Variants in AKAP17A observed in about 807,000 individuals in gnomAD.
AKAP17A encodes A-kinase anchor protein 17A.
AKAP17A carries 15 observed loss-of-function variants against 52.2 expected under a neutral mutation model. That is an observed-to-expected ratio of 0.29 (90% CI 0.19 to 0.44). AKAP17A has a LOEUF of 0.44. Among genes scored for constraint, AKAP17A ranks in the 20% least tolerant of loss-of-function variants. AKAP17A has a pLI of 1.00. For missense variants in AKAP17A, 1,060 were observed against 1,007.0 expected, an observed-to-expected ratio of 1.05 and a Z score of -0.71; for synonymous variants, 514 against 424.7, an observed-to-expected ratio of 1.21 and a Z score of -2.58.
chrX:1,597,577 C>G (rs1933074004), intron 3 of AKAP17A, among the ~76,000 whole-genome samples: 3 of 151,718 alleles, frequency 2.0e-5, no homozygotes, highest in Admixed American at 2.0e-4. Flanking sequence ...TTCCAGGCTG[C>G]AGACACAGCC....
chrX:1,596,931 CCTA>C (rs1326867683), intron 3 of AKAP17A, among the ~76,000 whole-genome samples: 243 of 147,722 alleles, frequency 1.6e-3, no homozygotes, highest in South Asian at 4.0e-3. Flanking sequence ...TCCTCCTCCT[CCTA>C]CTCCTCTTCG....
chrX:1,592,983 C>T (rs748254367), intron 1 of AKAP17A, among the ~76,000 whole-genome samples: 1 of 152,296 alleles, frequency 6.6e-6, no homozygotes, highest in South Asian at 2.1e-4. Flanking sequence ...CCGCCGCCCC[C>T]TCCACAAAAC....
At chrX:1,591,855 G>C (rs1185648609) in intron 1 of AKAP17A, 86 bp downstream of exon 1, 1 of 150,604 alleles carries the variant, frequency 6.6e-6, no homozygotes, top group Admixed American at 6.6e-5. Context: ...GCCGGGGCTT[G>C]GGAGGCGGCG....
intron 4 of AKAP17A, chrX:1,599,990 G>T: frequency 2.1e-6 from 1 of 477,142 alleles, no homozygotes; most frequent in Non-Finnish European, 3.9e-6. Flanking sequence ...AGGCGCGACT[G>T]GTAACTCCCA....
chrX:1,600,895 G>A lies in AKAP17A; in HGVS notation c.1389G>A (p.Leu463=), dbSNP rs138996162. The change falls in exon 5 of 5, where the codon CTG becomes CTA. Residue 463 remains leucine, a synonymous_variant. Transcript: ENST00000313871. ...HDELGVAHAD[L]LQPVLDILQT... is the part of the protein sequence containing the mutation. ...AGCTGGGCGTGGCACACGCCGACCTGCTGCAGCCCGTCCTGGACATCCTGC... is the reference window on the plus strand; with the variant it reads ...AGCTGGGCGTGGCACACGCCGACCTACTGCAGCCCGTCCTGGACATCCTGC... The A allele has an allele frequency of 1.1e-3, 1,669 of 1,576,584 alleles. 1 individual carries two copies. Among genetic ancestry groups the A allele is most frequent in the Non-Finnish European group, 1.3e-3 (1,530 of 1,165,376 alleles).
chrX:1,597,458 G>A lies in AKAP17A; in HGVS notation c.912-1734G>A, dbSNP rs377103766. On this transcript the variant is annotated intron_variant, in intron 3 of 4. Transcript: ENST00000313871. ...TCGCCATCCTGGGAGGCGGTCCCTGGGAGGGGCGGTTCGGATGTGGGGTTG... is the reference window on the plus strand; with the variant it reads ...TCGCCATCCTGGGAGGCGGTCCCTGAGAGGGGCGGTTCGGATGTGGGGTTG... Among the ~76,000 whole-genome samples, 905 of 152,272 alleles carry A rather than the reference G, an allele frequency of 5.9e-3. 3 individuals carry two copies. The highest frequency in any genetic ancestry group is 0.021 in the African/African-American group (874 of 41,564).
chrX:1,601,995 A>G lies in AKAP17A; in HGVS notation c.*401A>G, dbSNP rs1218826852. ...GCCTAGGAGGTGCACGGGCCACCAT[A>G]GTCACACTGGCACTGAAAAGAAAGC... On this transcript the variant is annotated 3_prime_UTR_variant, in exon 5 of 5. Coordinates refer to ENST00000313871, the MANE Select transcript of AKAP17A (RefSeq NM_005088.3). 1 of 196,996 alleles carries G rather than the reference A, an allele frequency of 5.1e-6. No individual in the cohort carries two copies. Among genetic ancestry groups the G allele is most frequent in the Non-Finnish European group, 1.0e-5 (1 of 97,772 alleles). 12.2% of individuals were successfully genotyped at this position (196,996 alleles called of 1,614,324 possible).
At position 1,601,457 on chromosome X, in the gene AKAP17A, A is replaced by G. The variant is rs1207409793; in HGVS notation, c.1951A>G (p.Ser651Gly). Residue 651 changes from serine (S) to glycine (G), a missense_variant, in exon 5 of 5, where the codon AGC (serine) becomes GGC (glycine). This residue lies in a region of AKAP17A where 793 missense variants were observed against 629.9 expected (regional missense o/e 1.26). Coordinates refer to ENST00000313871, the MANE Select transcript of AKAP17A (RefSeq NM_005088.3). ...PDHTRSRRSH[S>G]KDRHRRERSR... is the part of the protein sequence containing the mutation. The stretch of plus-strand genomic sequence containing the variant: ...CCACACCCGGTCCCGGAGGTCCCAC[A>G]GCAAAGACAGGCACCGGAGGGAGCG... 1.3e-6 allele frequency: 2 copies of G among 1,573,932 alleles called. No homozygotes were observed. Among genetic ancestry groups the G allele is most frequent in the Non-Finnish European group, 1.7e-6 (2 of 1,167,940 alleles).
rs1270752606 is a variant in AKAP17A at position 1,602,399 on chromosome X, G to C, written c.*805G>C. ...CTGCAAACTTGTTTTATAATCGTTT[G>C]CTTCTCCAAGTGAAGCTCAGAAATA... On this transcript the variant is annotated 3_prime_UTR_variant, in exon 5 of 5. Transcript: ENST00000313871. The C allele has an allele frequency of 6.6e-6, 1 of 152,106 alleles. No individual in the cohort carries two copies. Among genetic ancestry groups the C allele is most frequent in the African/African-American group, 2.4e-5 (1 of 41,426 alleles). 9.4% of individuals were successfully genotyped at this position (152,106 alleles called of 1,614,324 possible).
Position 1,599,275 on chromosome X carries a change from G to C in AKAP17A, c.995G>C (p.Arg332Pro), listed in dbSNP as rs201089425. The C allele has an allele frequency of 1.2e-6, 2 of 1,612,224 alleles. No homozygotes were observed. The highest frequency in any genetic ancestry group is 1.1e-5 in the South Asian group (1 of 90,922). ...AAGAGGGAGCAGAAGCAGAGGGACC[G>C]TGAGCTGCGCCGGAATCAGAAGAAG... The part of the protein sequence containing the change: ...LRKREQKQRD[R>P]ELRRNQKKLE... Residue 332 changes from arginine to proline, a missense_variant, in exon 4 of 5, where the codon CGT (arginine) becomes CCT (proline). Physicochemically the swap from Arg to Pro is moderately radical, Grantham distance 103. This residue lies in a region of AKAP17A where 793 missense variants were observed against 629.9 expected (regional missense o/e 1.26). Transcript: ENST00000313871.
chrX:1,600,610 C>A (rs778647553), intron 4 of AKAP17A, 49 bp from the exon 5 acceptor site: 14 of 1,466,524 alleles, frequency 9.5e-6, no homozygotes, highest in Middle Eastern at 2.5e-4. Flanking sequence ...CCCACGTGTC[C>A]GGCCAGGCTC....
At chrX:1,599,548 C>T (rs780017450) in intron 4 of AKAP17A, 116 bp downstream of exon 4, 39 of 1,416,970 alleles carry the variant, frequency 2.8e-5, no homozygotes, top group South Asian at 2.0e-4. Context: ...GCTGTAGCTA[C>T]GAAACCAGCT....
intron 3 of AKAP17A, among the ~76,000 whole-genome samples, chrX:1,598,324 G>A (rs1236694980): frequency 6.6e-6 from 1 of 152,200 alleles, no homozygotes; most frequent in Non-Finnish European, 1.5e-5. Context: ...GGGTGGCAGA[G>A]CGTGGGATGC....
At chrX:1,598,178 G>T (rs1455901785) in intron 3 of AKAP17A, among the ~76,000 whole-genome samples, 1 of 151,996 alleles carries the variant, frequency 6.6e-6, no homozygotes, top group Non-Finnish European at 1.5e-5. Context: ...GCCGCCCTCC[G>T]AGCTCGTGGG....
chrX:1,600,728 C>T lies in AKAP17A; in HGVS notation c.1222C>T (p.Arg408Trp), dbSNP rs753308167. 18 of 1,547,056 alleles carry T rather than the reference C, an allele frequency of 1.2e-5. No individual in the cohort carries two copies. Among genetic ancestry groups the T allele is most frequent in the South Asian group, 5.9e-5 (5 of 84,164 alleles). The change falls in exon 5 of 5, where the codon CGG (arginine) becomes TGG (tryptophan). Residue 408 changes from arginine to tryptophan, a missense_variant. Physicochemically the swap from Arg to Trp is moderately radical, Grantham distance 101 (BLOSUM62 -3). This residue lies in a region of AKAP17A where 793 missense variants were observed against 629.9 expected (regional missense o/e 1.26). Coordinates refer to ENST00000313871, the MANE Select transcript of AKAP17A (RefSeq NM_005088.3). ...LRLQQQEERR[R>W]LQEAELRRVE... ...GCTCCAGCAGCAGGAGGAGCGGCGG[C>T]GGCTGCAGGAGGCCGAGCTGCGGCG...
chrX:1,599,933 G>A (rs770511102), intron 4 of AKAP17A: 38 of 503,984 alleles, frequency 7.5e-5, no homozygotes, highest in African/African-American at 3.7e-4. Context: ...CACCAGCGCC[G>A]GTACTGACGA....
chrX:1,595,295 C>A, intron 2 of AKAP17A, 89 bp from the exon 3 acceptor site: 1 of 1,570,452 alleles, frequency 6.4e-7, no homozygotes, highest in Non-Finnish European at 8.6e-7. Flanking sequence ...TCTGAGGCCA[C>A]TCGGCCCTAC....
chrX:1,595,328 C>A, intron 2 of AKAP17A, 56 bp from the exon 3 acceptor site: 2 of 1,607,924 alleles, frequency 1.2e-6, no homozygotes, highest in South Asian at 1.1e-5. Context: ...GGCGCCTGGC[C>A]GTGTGTCTGG....
rs753293787 is a variant in AKAP17A at position 1,595,416 on chromosome X, T to A, written c.795T>A (p.Asp265Glu). ...TTGATTCGACCAAACACCTGAGTGA[T>A]GCCTCAATTAAGAAGCGGCAGCTGG... ...VSFDSTKHLS[D>E]ASIKKRQLER... The change falls in exon 3 of 5, where the codon GAT becomes GAA. Residue 265 changes from aspartate (D) to glutamate (E), a missense_variant. Around this residue, in one of 2 missense-constraint regions of AKAP17A, gnomAD observed 793 missense variants for 629.9 expected, o/e 1.26. Coordinates refer to ENST00000313871, the MANE Select transcript of AKAP17A (RefSeq NM_005088.3). 4.3e-6 allele frequency: 7 copies of A among 1,613,898 alleles called. 1 individual carries two copies. The Admixed American group carries it at 1.2e-4, about 27-fold the overall frequency.
Sources: gnomAD v4.1 joint callset for allele counts (sites outside exome capture counted in the v4.1 genomes callset) on GRCh38, gnomAD v4.1.1 for gene constraint, gnomAD v4.1.1 regional missense constraint, MANE v1.5 for transcripts, NCBI Gene and HGNC (gene_info 2026-07-23, HGNC 2026-07-21) for gene names.